The following IGF1R variants were observed in gnomAD, a reference collection of about 807,000 sequenced individuals.
IGF1R encodes insulin-like growth factor 1 receptor.
In IGF1R, 44 loss-of-function variants were observed where a neutral mutation model predicts 144.6. The ratio of observed to expected loss-of-function variants is 0.30; its 90% CI spans 0.24 to 0.39. The LOEUF (loss-of-function observed/expected upper bound fraction) is 0.39, where lower values mean the gene tolerates loss of function less well. Ranked by LOEUF, IGF1R falls within the 10% of genes least tolerant of loss-of-function variation. The pLI is 1.00. For synonymous variants in IGF1R, 795 were observed against 722.8 expected (o/e 1.10, Z -1.60); for missense variants, 1,355 against 1,833.7 (o/e 0.74, Z 4.77).
In IGF1R at chr15:98,648,590, C is replaced by T. The variant is rs1189195435; in HGVS notation, c.-992C>T. Among the ~76,000 whole-genome samples the T allele has an allele frequency of 7.0e-6, 1 of 143,174 alleles. No homozygotes were observed. The highest frequency in any genetic ancestry group is 2.5e-5 in the African/African-American group (1 of 39,602). The allele number at this position is 143,174 out of a possible 152,430, so 93.9% of individuals were successfully genotyped here. On this transcript the variant is annotated 5_prime_UTR_variant, in exon 1 of 21. Coordinates refer to ENST00000650285, the MANE Select transcript of IGF1R (RefSeq NM_000875.5). ...CGGCGAGGCTGGGGCTCTTGTTTAC[C>T]AGCATTAACTCCGCTGAGCGGAAAA...
intron 2 of IGF1R, among the ~76,000 whole-genome samples, chr15:98,875,288 T>C (rs183030172): frequency 1.2e-3 from 185 of 152,278 alleles, no homozygotes; most frequent in African/African-American, 4.2e-3. Flanking sequence ...GATAAGATTT[T>C]TGAAGAAGAG....
At chr15:98,861,051 GTC>G (rs756303012) in intron 2 of IGF1R, among the ~76,000 whole-genome samples, 76 of 132,742 alleles carry the variant, frequency 5.7e-4, no homozygotes, top group Non-Finnish European at 1.1e-3. Flanking sequence ...CTCCATCTAT[GTC>G]TCTGTCTTTC....
chr15:98,770,862 G>A (rs12101798), intron 2 of IGF1R, among the ~76,000 whole-genome samples: 3,084 of 152,128 alleles, frequency 0.02, 113 homozygotes, highest in African/African-American at 0.071. Flanking sequence ...GTCAAAATTC[G>A]TCTGTATGCA....
chr15:98,796,362 A>G (rs2056241858), intron 2 of IGF1R, among the ~76,000 whole-genome samples: 1 of 152,178 alleles, frequency 6.6e-6, no homozygotes, highest in African/African-American at 2.4e-5. Context: ...AGCCAACTCG[A>G]GAGGGTTACC....
chr15:98,834,055 A>G (rs1192869857), intron 2 of IGF1R, among the ~76,000 whole-genome samples: 1 of 152,254 alleles, frequency 6.6e-6, no homozygotes, highest in Admixed American at 6.5e-5. Flanking sequence ...TCATCTCCTA[A>G]TTAAAATCCT....
intron 2 of IGF1R, among the ~76,000 whole-genome samples, chr15:98,750,463 G>A (rs1183811599): frequency 6.6e-6 from 1 of 152,198 alleles, no homozygotes; most frequent in Non-Finnish European, 1.5e-5. Context: ...TGGAGCCACA[G>A]TCCAAATCTT....
chr15:98,659,214 G>A (rs1414502899), intron 1 of IGF1R, among the ~76,000 whole-genome samples: 1 of 152,124 alleles, frequency 6.6e-6, no homozygotes, highest in East Asian at 1.9e-4. Flanking sequence ...TAACAAGATG[G>A]CATGTTGCTT....
At chr15:98,889,865 C>T (rs182340509) in intron 2 of IGF1R, among the ~76,000 whole-genome samples, 1 of 152,174 alleles carries the variant, frequency 6.6e-6, no homozygotes, top group Admixed American at 6.5e-5. Flanking sequence ...AAAAGATACA[C>T]ATTTAAATAA....
rs377215067 is a variant in IGF1R at position 98,866,694 on chromosome 15, C to T, written c.641-24631C>T. Among the ~76,000 whole-genome samples the T allele has an allele frequency of 3.9e-5, 6 of 152,126 alleles. No homozygotes were observed. In the East Asian group the frequency reaches 5.8e-4, roughly 15 times the overall value. ...GACCTTCAGGAGCCATGAAATTTTC[C>T]TGTTGGGATGAGAGGAAGCGCTGGC... On this transcript the variant is annotated intron_variant, in intron 2 of 20. Transcript: ENST00000650285.
intron 2 of IGF1R, among the ~76,000 whole-genome samples, chr15:98,804,031 G>A (rs527708323): frequency 1.3e-5 from 2 of 152,300 alleles, no homozygotes; most frequent in African/African-American, 4.8e-5. Flanking sequence ...CGGTTGCAAT[G>A]TCACTAGGCA....
At chr15:98,834,173 C>T (rs1019520152) in intron 2 of IGF1R, among the ~76,000 whole-genome samples, 1 of 152,192 alleles carries the variant, frequency 6.6e-6, no homozygotes, top group Non-Finnish European at 1.5e-5. Flanking sequence ...TTGAACTTTG[C>T]CTAGACTGTA....
intron 1 of IGF1R, among the ~76,000 whole-genome samples, chr15:98,669,832 AG>A (rs977362809): frequency 1.3e-5 from 2 of 152,126 alleles, no homozygotes; most frequent in African/African-American, 2.4e-5. Context: ...CAAAGCTCGG[AG>A]GGGCATTTCT....
At chr15:98,651,537 A>AACATAACTAACAAAACTAGCTAAC (rs1456787677) in intron 1 of IGF1R, among the ~76,000 whole-genome samples, 7 of 152,260 alleles carry the variant, frequency 4.6e-5, no homozygotes, top group Non-Finnish European at 1.0e-4. Context: ...GTTGAACTGT[A>AACATAACTAACAAAACTAGCTAAC]TAGCTTCTCT....
chr15:98,757,472 A>T (rs371934394), intron 2 of IGF1R, among the ~76,000 whole-genome samples: 4 of 152,004 alleles, frequency 2.6e-5, no homozygotes, highest in African/African-American at 9.7e-5. Flanking sequence ...CCCCTTTTAT[A>T]ATTTTTAAAC....
chr15:98,924,641 T>C lies in IGF1R; in HGVS notation c.2739T>C (p.Asn913=). ...ARIQATSLSG[N]GSWTDPVFFY... Reference sequence around the variant, plus strand: ...TTCAGGCCACATCTCTCTCTGGGAATGGGTCGTGGACAGATCCTGTGTTCT... The same window carrying C: ...TTCAGGCCACATCTCTCTCTGGGAACGGGTCGTGGACAGATCCTGTGTTCT... Residue 913 remains asparagine (N), a synonymous_variant, in exon 13 of 21, where the codon AAT becomes AAC. Coordinates refer to ENST00000650285, the MANE Select transcript of IGF1R (RefSeq NM_000875.5). 6.2e-7 allele frequency: 1 copy of C among 1,614,208 alleles called. No homozygotes were observed. Among genetic ancestry groups the C allele is most frequent in the South Asian group, 1.1e-5 (1 of 91,086 alleles).
At chr15:98,682,187 G>A (rs76549805) in intron 1 of IGF1R, among the ~76,000 whole-genome samples, 180 of 152,218 alleles carry the variant, frequency 1.2e-3, no homozygotes, top group Non-Finnish European at 2.2e-3. Context: ...ATGATTTTGA[G>A]TAACTTCCGT....
At chr15:98,922,518 C>CA (rs1596454369) in intron 11 of IGF1R, 87 bp downstream of exon 11, 1 of 1,503,496 alleles carries the variant, frequency 6.7e-7, no homozygotes, top group East Asian at 2.2e-5. Flanking sequence ...GTCTGACACC[C>CA]AGGGCCATGA....
intron 2 of IGF1R, among the ~76,000 whole-genome samples, chr15:98,768,930 AAACAAC>A (rs56709467): frequency 6.1e-5 from 1 of 16,454 alleles, no homozygotes; most frequent in African/African-American, 6.6e-5. Flanking sequence ...TCCGTCTCAA[AAACAAC>A]AACAACAACA....
rs147236845 is a variant in IGF1R, at chr15:98,899,489, C to T, written c.1115C>T (p.Ser372Leu). 5.6e-6 allele frequency: 9 copies of T among 1,614,030 alleles called. No individual in the cohort carries two copies. In the African/African-American group the frequency reaches 1.2e-4, roughly 22 times the overall value. The change falls in exon 5 of 21, where the codon TCA (serine) becomes TTA (leucine). Residue 372 changes from serine (S) to leucine (L), a missense_variant. By Grantham distance (145) the Ser-to-Leu change is moderately radical. Coordinates refer to ENST00000650285, the MANE Select transcript of IGF1R (RefSeq NM_000875.5). ...CCTTTCAATGTAGATAACATTGCTT[C>T]AGAGCTGGAGAACTTCATGGGGCTC... ...INIRRGNNIA[S>L]ELENFMGLIE...
Sources: gnomAD v4.1 joint callset for allele counts (sites outside exome capture counted in the v4.1 genomes callset) on GRCh38, gnomAD v4.1.1 for gene constraint, MANE v1.5 for transcripts, NCBI Gene and HGNC (gene_info 2026-07-23, HGNC 2026-07-21) for gene names.